The following PBX1 variants were observed in gnomAD, a reference collection of about 807,000 sequenced individuals.
PBX1 encodes pre-B-cell leukemia transcription factor 1.
In PBX1, 6 loss-of-function variants were observed where a neutral mutation model predicts 53.4. The observed-to-expected ratio is 0.11, with a 90% CI of 0.06 to 0.22. PBX1 has a LOEUF of 0.22. PBX1 is among the 10% of genes least tolerant of loss of function. PBX1 has a pLI of 1.00. For synonymous variants in PBX1, 204 were observed against 212.3 expected (o/e 0.96, Z 0.34); for missense variants, 251 against 551.4 (o/e 0.46, Z 5.46).
intron 8 of PBX1, among the ~76,000 whole-genome samples, chr1:164,828,125 A>G (rs1670559776): frequency 6.6e-6 from 1 of 152,232 alleles, no homozygotes; most frequent in Non-Finnish European, 1.5e-5. Flanking sequence ...TAGATATACC[A>G]TGGACTTAAT....
intron 2 of PBX1, among the ~76,000 whole-genome samples, chr1:164,634,671 CA>C (rs2101886813): frequency 6.6e-6 from 1 of 152,284 alleles, no homozygotes; most frequent in East Asian, 1.9e-4. Context: ...ACACCAACAC[CA>C]TCTGATAGAC....
intron 2 of PBX1, among the ~76,000 whole-genome samples, chr1:164,576,320 A>T (rs971334467): frequency 6.6e-6 from 1 of 152,192 alleles, no homozygotes; most frequent in Non-Finnish European, 1.5e-5. Context: ...CCCCCTCGCA[A>T]ATCTGTTGAC....
Position 164,777,348 on chromosome 1 carries a change from G to A in PBX1, c.266-15146G>A, listed in dbSNP as rs946121771. On this transcript the variant is annotated intron_variant, in intron 2 of 8. Coordinates refer to ENST00000420696, the MANE Select transcript of PBX1 (RefSeq NM_002585.4). The stretch of plus-strand genomic sequence containing the variant: ...TGAGGTGGGAGAATCGCTTGAACCC[G>A]GGAGGCGGAGGCTGCAGTGAGCCAA... 2.0e-5 allele frequency among the ~76,000 whole-genome samples: 3 copies of A among 152,216 alleles called. 1 individual carries two copies.
chr1:164,690,770 A>G (rs1372606721), intron 2 of PBX1, among the ~76,000 whole-genome samples: 2 of 152,046 alleles, frequency 1.3e-5, no homozygotes, highest in Non-Finnish European at 1.5e-5. Context: ...TCATCATATC[A>G]CACCAATATT....
intron 2 of PBX1, among the ~76,000 whole-genome samples, chr1:164,762,887 T>A (rs1319296133): frequency 6.6e-6 from 1 of 152,196 alleles, no homozygotes; most frequent in Non-Finnish European, 1.5e-5. Flanking sequence ...CATTTGTCAA[T>A]CATTGACCTA....
At chr1:164,724,263 T>C (rs1200134311) in intron 2 of PBX1, among the ~76,000 whole-genome samples, 1 of 152,156 alleles carries the variant, frequency 6.6e-6, no homozygotes, top group Non-Finnish European at 1.5e-5. Context: ...TCTACTGAGC[T>C]TCCAGGCCCA....
chr1:164,592,935 T>C (rs934233236), intron 2 of PBX1, among the ~76,000 whole-genome samples: 1 of 152,014 alleles, frequency 6.6e-6, no homozygotes. Context: ...AGCATTTGTA[T>C]GTAGCACACA....
At chr1:164,634,372 G>A (rs778264023) in intron 2 of PBX1, among the ~76,000 whole-genome samples, 21 of 152,158 alleles carry the variant, frequency 1.4e-4, no homozygotes, top group Non-Finnish European at 2.5e-4. Flanking sequence ...ATAAAACACC[G>A]ATACAGGTAA....
chr1:164,706,122 A>T (rs1408118913), intron 2 of PBX1, among the ~76,000 whole-genome samples: 1 of 152,190 alleles, frequency 6.6e-6, no homozygotes, highest in Admixed American at 6.5e-5. Context: ...TCTGTTATTC[A>T]GTGGAACTAC....
At chr1:164,678,618 C>T (rs1162200517) in intron 2 of PBX1, among the ~76,000 whole-genome samples, 1 of 152,170 alleles carries the variant, frequency 6.6e-6, no homozygotes, top group Non-Finnish European at 1.5e-5. Context: ...ACCCCACATC[C>T]CTGCAACAAT....
chr1:164,874,007 GA>G (rs11381707), intron 2 of PBX1, among the ~76,000 whole-genome samples: 14 of 143,494 alleles, frequency 9.8e-5, no homozygotes, highest in African/African-American at 1.3e-4. Flanking sequence ...GAGGAATTCA[GA>G]AAAAAAAAAA....
chr1:164,668,322 G>A (rs951306810), intron 2 of PBX1, among the ~76,000 whole-genome samples: 9 of 152,162 alleles, frequency 5.9e-5, no homozygotes, highest in African/African-American at 2.2e-4. Flanking sequence ...AGACCCGATT[G>A]TGTCTTGATT....
intron 6 of PBX1, chr1:164,816,611 G>T (rs1345073006): frequency 6.6e-6 from 1 of 152,006 alleles, no homozygotes; most frequent in African/African-American, 2.4e-5. Context: ...AGCTATCTTT[G>T]GTTGTCACAA....
intron 6 of PBX1, chr1:164,813,054 G>C (rs932170263): frequency 6.9e-4 from 105 of 152,168 alleles, no homozygotes; most frequent in African/African-American, 2.2e-3. Context: ...ATGTTTGATC[G>C]TAATATGATT....
intron 2 of PBX1, among the ~76,000 whole-genome samples, chr1:164,766,627 A>G (rs955677830): frequency 2.0e-5 from 3 of 152,178 alleles, no homozygotes; most frequent in African/African-American, 7.2e-5. Context: ...GATAAAAAAT[A>G]AAGGCTTTTT....
intron 2 of PBX1, among the ~76,000 whole-genome samples, chr1:164,863,211 C>A (rs939812872): frequency 3.3e-5 from 5 of 152,232 alleles, no homozygotes; most frequent in Non-Finnish European, 7.3e-5. Flanking sequence ...CTGCCCTAAT[C>A]GGTTTTACAT....
At chr1:164,640,418 G>A (rs1262385474) in intron 2 of PBX1, among the ~76,000 whole-genome samples, 1 of 152,090 alleles carries the variant, frequency 6.6e-6, no homozygotes, top group Non-Finnish European at 1.5e-5. Context: ...TTACTTATCT[G>A]GACTACTGCA....
intron 2 of PBX1, among the ~76,000 whole-genome samples, chr1:164,768,060 C>G (rs979064718): frequency 6.6e-6 from 1 of 151,692 alleles, no homozygotes; most frequent in African/African-American, 2.4e-5. Flanking sequence ...TTTTCTCATT[C>G]AGAGAGAGGC....
chr1:164,739,228 C>T (rs572815030), intron 2 of PBX1, among the ~76,000 whole-genome samples: 8 of 152,312 alleles, frequency 5.3e-5, no homozygotes, highest in African/African-American at 1.9e-4. Flanking sequence ...CACTCGCCTG[C>T]GATCCAGTAT....
Sources: gnomAD v4.1 joint callset for allele counts (sites outside exome capture counted in the v4.1 genomes callset) on GRCh38, gnomAD v4.1.1 for gene constraint, MANE v1.5 for transcripts, NCBI Gene and HGNC (gene_info 2026-07-23, HGNC 2026-07-21) for gene names.